Variants in PLCH1 observed in about 807,000 individuals in gnomAD.
PLCH1 encodes 1-phosphatidylinositol 4,5-bisphosphate phosphodiesterase eta-1.
A neutral mutation model predicts 126.7 loss-of-function variants in PLCH1; 60 were observed. The observed-to-expected ratio is 0.47, with a 90% CI of 0.38 to 0.59. The LOEUF (loss-of-function observed/expected upper bound fraction) is 0.59, where lower values mean the gene tolerates loss of function less well. PLCH1 is among the 20% of genes least tolerant of loss of function. PLCH1 has a pLI of 0.00. For missense variants in PLCH1, 1,723 were observed against 2,040.0 expected, an observed-to-expected ratio of 0.84 and a Z score of 2.99; for synonymous variants, 719 against 734.9, an observed-to-expected ratio of 0.98 and a Z score of 0.35.
intron 2 of PLCH1, 86 bp downstream of exon 2, chr3:155,704,060 C>CAAAAATTAT (rs1746473889): frequency 7.9e-6 from 4 of 507,044 alleles, no homozygotes; most frequent in Non-Finnish European, 1.2e-5. Flanking sequence ...ACAATTATAC[C>CAAAAATTAT]ATATTTGCAT....
intron 2 of PLCH1, among the ~76,000 whole-genome samples, chr3:155,687,712 TACTGAG>T (rs1745062915): frequency 6.6e-6 from 1 of 152,188 alleles, no homozygotes; most frequent in African/African-American, 2.4e-5. Context: ...CAAGTTGACA[TACTGAG>T]ACTAAGTATT....
chr3:155,690,986 C>T (rs1745336139), intron 2 of PLCH1, among the ~76,000 whole-genome samples: 1 of 152,218 alleles, frequency 6.6e-6, no homozygotes, highest in African/African-American at 2.4e-5. Flanking sequence ...CCCCTCCCCA[C>T]ACTCAGCCTA....
chr3:155,665,323 G>T (rs573852428), intron 2 of PLCH1, among the ~76,000 whole-genome samples: 63 of 152,286 alleles, frequency 4.1e-4, no homozygotes, highest in African/African-American at 1.4e-3. Context: ...AGCTAATAGA[G>T]CCTGTGCCCA....
intron 10 of PLCH1, among the ~76,000 whole-genome samples, chr3:155,547,524 C>G (rs7635738): frequency 0.81 from 119,514 of 147,438 alleles, 50,323 homozygotes; most frequent in Middle Eastern, 0.95. Flanking sequence ...ATTTGACCCA[C>G]CAATCCCATT....
intron 2 of PLCH1, among the ~76,000 whole-genome samples, chr3:155,601,134 C>G (rs13314948): frequency 0.21 from 31,573 of 151,920 alleles, 4,279 homozygotes; most frequent in African/African-American, 0.38. Flanking sequence ...GCCACCACGC[C>G]CGGCCAATTT....
At chr3:155,689,301 G>C (rs1412930796) in intron 2 of PLCH1, among the ~76,000 whole-genome samples, 1 of 151,984 alleles carries the variant, frequency 6.6e-6, no homozygotes, top group Admixed American at 6.5e-5. Flanking sequence ...GTCTTTCCAA[G>C]AAGAACAGGC....
intron 2 of PLCH1, among the ~76,000 whole-genome samples, chr3:155,678,614 C>T (rs1371477218): frequency 2.0e-5 from 3 of 152,192 alleles, no homozygotes; most frequent in Non-Finnish European, 4.4e-5. Flanking sequence ...AATCACTCCC[C>T]TGTATTCTCC....
At chr3:155,575,373 C>T (rs188505720) in intron 6 of PLCH1, among the ~76,000 whole-genome samples, 1 of 152,044 alleles carries the variant, frequency 6.6e-6, no homozygotes, top group Non-Finnish European at 1.5e-5. Flanking sequence ...GGAGAGGGCA[C>T]ATATGATTCC....
chr3:155,619,693 T>C (rs1736226185), intron 2 of PLCH1, among the ~76,000 whole-genome samples: 1 of 152,128 alleles, frequency 6.6e-6, no homozygotes, highest in Non-Finnish European at 1.5e-5. Flanking sequence ...AAAGCCTCTG[T>C]TGCCCTCAGG....
intron 12 of PLCH1, 65 bp from the exon 13 acceptor site, chr3:155,504,691 G>A (rs766968545): frequency 2.2e-5 from 25 of 1,121,366 alleles, no homozygotes; most frequent in African/African-American, 3.1e-5. Flanking sequence ...CCTTAGTTCT[G>A]GTGGAATAGC....
rs557961476 is a variant in PLCH1 at position 155,688,207 on chromosome 3, C to T, written c.79+15939G>A. ...CAGCTCCAAAGTGAATACTTCCAGA[C>T]TTACCTGGCCAACACACAGAGGCCC... On this transcript the variant is annotated intron_variant, in intron 2 of 22. Coordinates refer to ENST00000460012, the MANE Select transcript of PLCH1 (RefSeq NM_014996.4). Among the ~76,000 whole-genome samples the T allele has an allele frequency of 4.6e-5, 7 of 152,228 alleles. No homozygotes were observed. In the South Asian group the frequency reaches 1.4e-3, roughly 32 times the overall value.
chr3:155,737,609 T>C (rs569588989), intron 1 of PLCH1, among the ~76,000 whole-genome samples: 3 of 152,296 alleles, frequency 2.0e-5, no homozygotes, highest in Middle Eastern at 6.8e-3. Flanking sequence ...CACATTACTG[T>C]TCTATGAAGC....
At chr3:155,551,544 T>C (rs1726140515) in intron 9 of PLCH1, among the ~76,000 whole-genome samples, 1 of 148,178 alleles carries the variant, frequency 6.7e-6, no homozygotes, top group Admixed American at 6.8e-5. Context: ...ACGAGGCAAT[T>C]ATTCCCCCCA....
At chr3:155,542,207 T>TA (rs1412083353) in intron 10 of PLCH1, among the ~76,000 whole-genome samples, 1 of 152,158 alleles carries the variant, frequency 6.6e-6, no homozygotes, top group Non-Finnish European at 1.5e-5. Context: ...CCGACGGGCT[T>TA]AAAAAACGGC....
At chr3:155,619,040 C>T (rs1190922610) in intron 2 of PLCH1, among the ~76,000 whole-genome samples, 3 of 151,358 alleles carry the variant, frequency 2.0e-5, no homozygotes, top group African/African-American at 7.3e-5. Context: ...TGCTGCCTCC[C>T]TTATATTTGG....
chr3:155,711,504 GA>G (rs940026438), intron 1 of PLCH1, among the ~76,000 whole-genome samples: 28 of 149,648 alleles, frequency 1.9e-4, no homozygotes, highest in African/African-American at 4.6e-4. Context: ...ACTCGACAAT[GA>G]AAAAAAAAAT....
chr3:155,552,900 T>C (rs1043440487), intron 9 of PLCH1, among the ~76,000 whole-genome samples: 1 of 152,164 alleles, frequency 6.6e-6, no homozygotes, highest in Admixed American at 6.5e-5. Context: ...TGGTTGAGTC[T>C]AGAATGACTC....
intron 21 of PLCH1, among the ~76,000 whole-genome samples, chr3:155,454,615 G>A (rs1472226528): frequency 2.6e-5 from 4 of 152,240 alleles, no homozygotes; most frequent in African/African-American, 7.2e-5. Context: ...TTATGGTAAG[G>A]TGTATTGAGG....
intron 2 of PLCH1, among the ~76,000 whole-genome samples, chr3:155,599,686 G>A (rs1308671783): frequency 6.6e-6 from 1 of 152,142 alleles, no homozygotes; most frequent in Non-Finnish European, 1.5e-5. Flanking sequence ...AGATCTAACA[G>A]CAAGGACTGC....
Sources: allele counts gnomAD v4.1 joint callset (sites outside exome capture counted in the v4.1 genomes callset), GRCh38; gene constraint gnomAD v4.1.1; transcripts MANE v1.5; gene names NCBI Gene and HGNC (gene_info 2026-07-23, HGNC 2026-07-21).